The following RBFOX1 variants were observed in gnomAD, a reference collection of about 807,000 sequenced individuals.
RBFOX1 encodes the protein RNA binding protein fox-1 homolog 1.
RBFOX1 carries 8 observed loss-of-function variants against 57.7 expected under a neutral mutation model. That is an observed-to-expected ratio of 0.14 (90% CI 0.08 to 0.25). The LOEUF is 0.25. RBFOX1 is among the 10% of genes least tolerant of loss of function. RBFOX1 has a pLI of 1.00. For missense variants in RBFOX1, 611 were observed against 548.5 expected, an observed-to-expected ratio of 1.11 and a Z score of -1.14; for synonymous variants, 326 against 222.4, an observed-to-expected ratio of 1.47 and a Z score of -4.15.
At chr16:7,656,448 G>T (rs960726091) in intron 12 of RBFOX1, among the ~76,000 whole-genome samples, 2 of 151,736 alleles carry the variant, frequency 1.3e-5, no homozygotes, top group Admixed American at 1.3e-4. Context: ...GGCTGGAAGA[G>T]CAAGAACCCC....
intron 2 of RBFOX1, among the ~76,000 whole-genome samples, chr16:6,646,631 G>C (rs527848645): frequency 6.6e-6 from 1 of 152,060 alleles, no homozygotes; most frequent in South Asian, 2.1e-4. Context: ...AGGAGAGAAA[G>C]GAAATGCTTA....
At chr16:7,270,829 T>A (rs2095301836) in intron 4 of RBFOX1, among the ~76,000 whole-genome samples, 1 of 152,212 alleles carries the variant, frequency 6.6e-6, no homozygotes, top group Non-Finnish European at 1.5e-5. Flanking sequence ...TCTCCCTTTC[T>A]GAGCCAACTC....
At chr16:5,715,703 G>A (rs1195355697) in intron 3 of RBFOX1, among the ~76,000 whole-genome samples, 1 of 152,216 alleles carries the variant, frequency 6.6e-6, no homozygotes, top group Non-Finnish European at 1.5e-5. Context: ...AGGAAAGCAA[G>A]CAATGTGCTG....
At chr16:6,548,185 GGT>G (rs879321672) in intron 2 of RBFOX1, among the ~76,000 whole-genome samples, 4,811 of 152,124 alleles carry the variant, frequency 0.032, 267 homozygotes, top group African/African-American at 0.1. Flanking sequence ...GTGAGTCTTG[GGT>G]ATTGCCATCC....
rs79798737 is a variant in RBFOX1 at position 5,589,660 on chromosome 16, C to G, written c.259-9242C>G. The stretch of plus-strand genomic sequence containing the variant: ...GTTCTCCAGGATGTGTAACCTTTGG[C>G]AAAGTCCATAATGGACTGGGTTGAA... On this transcript the variant is annotated intron_variant, in intron 2 of 2. Transcript: ENST00000585867. Among the ~76,000 whole-genome samples the G allele has an allele frequency of 5.3e-3, 802 of 152,292 alleles. 4 individuals are homozygous for G. The highest frequency in any genetic ancestry group is 0.018 in the African/African-American group (756 of 41,552).
intron 1 of RBFOX1, among the ~76,000 whole-genome samples, chr16:6,183,304 C>A (rs1431219031): frequency 6.6e-6 from 1 of 151,706 alleles, no homozygotes; most frequent in Non-Finnish European, 1.5e-5. Context: ...CAAGGTGAAA[C>A]CCTGTCTCTA....
At chr16:5,706,158 G>A (rs1036153139) in intron 3 of RBFOX1, among the ~76,000 whole-genome samples, 6 of 152,206 alleles carry the variant, frequency 3.9e-5, no homozygotes, top group Non-Finnish European at 7.3e-5. Flanking sequence ...TGATCTGCCA[G>A]CCTCGGCCTC....
At chr16:7,056,961 TATACGTAA>T (rs1416978759) in intron 4 of RBFOX1, among the ~76,000 whole-genome samples, 1 of 151,526 alleles carries the variant, frequency 6.6e-6, no homozygotes, top group African/African-American at 2.4e-5. Flanking sequence ...TTACTTTACC[TATACGTAA>T]AATAAGAATA....
chr16:6,424,660 G>T (rs1296338619), intron 2 of RBFOX1, among the ~76,000 whole-genome samples: 1 of 139,182 alleles, frequency 7.2e-6, no homozygotes. Context: ...ACTTTGTAAA[G>T]ATGGATCTAC....
chr16:6,767,947 T>TAAAGAAG lies in RBFOX1; in HGVS notation c.-16+113299_-16+113300insAGAAGAA, dbSNP rs1410744665. Among the ~76,000 whole-genome samples the TAAAGAAG allele has an allele frequency of 1.5e-4, 15 of 101,046 alleles. No homozygotes were observed. In the East Asian group the frequency reaches 1.8e-3, roughly 12 times the overall value. 66.3% of individuals were successfully genotyped at this position (101,046 alleles called of 152,430 possible). ...ATAATAATAATAATAATAATAATAA[T>TAAAGAAG]AAGAAGAAGAAGAAGAAGAAGAAGA... On this transcript the variant is annotated intron_variant, in intron 3 of 15. Transcript: ENST00000550418.
chr16:5,378,408 G>A (rs775318823), intron 1 of RBFOX1, among the ~76,000 whole-genome samples: 4 of 151,556 alleles, frequency 2.6e-5, no homozygotes, highest in Non-Finnish European at 4.4e-5. Flanking sequence ...GCCCAGGATC[G>A]GGGAGTTAGC....
chr16:6,991,776 A>G (rs759280975), intron 3 of RBFOX1, among the ~76,000 whole-genome samples: 2 of 152,120 alleles, frequency 1.3e-5, no homozygotes, highest in Admixed American at 6.5e-5. Flanking sequence ...AGCCCAAGCA[A>G]TCTGCCTGCT....
At chr16:5,858,927 C>T (rs1032491294) in intron 3 of RBFOX1, among the ~76,000 whole-genome samples, 1 of 152,022 alleles carries the variant, frequency 6.6e-6, no homozygotes, top group African/African-American at 2.4e-5. Context: ...AGAAATACCC[C>T]TTTGGGGCCG....
At chr16:6,730,491 A>C (rs911325582) in intron 3 of RBFOX1, among the ~76,000 whole-genome samples, 1 of 152,078 alleles carries the variant, frequency 6.6e-6, no homozygotes, top group Non-Finnish European at 1.5e-5. Flanking sequence ...CTAACTGTCT[A>C]ATCTATCTAT....
intron 4 of RBFOX1, among the ~76,000 whole-genome samples, chr16:5,954,830 G>T (rs2152280587): frequency 6.6e-6 from 1 of 152,196 alleles, no homozygotes; most frequent in South Asian, 2.1e-4. Context: ...TTTCTAGGAT[G>T]TTATGGAGGA....
chr16:6,286,627 C>T (rs546530652), intron 1 of RBFOX1, among the ~76,000 whole-genome samples: 1 of 152,166 alleles, frequency 6.6e-6, no homozygotes, highest in African/African-American at 2.4e-5. Flanking sequence ...GATCTGACTT[C>T]TCCATAGCCT....
At chr16:7,422,338 A>G (rs2098550998) in intron 4 of RBFOX1, among the ~76,000 whole-genome samples, 1 of 152,170 alleles carries the variant, frequency 6.6e-6, no homozygotes, top group Non-Finnish European at 1.5e-5. Flanking sequence ...GCTGTGAAAT[A>G]TATTCATTGT....
intron 2 of RBFOX1, among the ~76,000 whole-genome samples, chr16:6,454,642 T>C (rs2094715302): frequency 6.6e-6 from 1 of 152,162 alleles, no homozygotes; most frequent in African/African-American, 2.4e-5. Context: ...ACTGAATATA[T>C]ACTTAAAACC....
At chr16:5,510,350 C>T (rs557371926) in intron 2 of RBFOX1, among the ~76,000 whole-genome samples, 1 of 152,300 alleles carries the variant, frequency 6.6e-6, no homozygotes, top group Admixed American at 6.5e-5. Flanking sequence ...GTCAGGGGGT[C>T]TGCCTGGTGT....
Sources: allele counts gnomAD v4.1 joint callset (sites outside exome capture counted in the v4.1 genomes callset), GRCh38; gene constraint gnomAD v4.1.1; transcripts MANE v1.5; gene names NCBI Gene and HGNC (gene_info 2026-07-23, HGNC 2026-07-21).